WWOX: variants seen among roughly 807,000 people sequenced by gnomAD.
The protein encoded by WWOX is WW domain-containing oxidoreductase.
A neutral mutation model predicts 46.2 loss-of-function variants in WWOX; 69 were observed. That is an observed-to-expected ratio of 1.49 (90% confidence interval 1.23 to 1.82). WWOX has a LOEUF of 1.82. Among genes scored for constraint, WWOX ranks in the 40% most tolerant of loss-of-function variants. WWOX has a pLI of 0.00. For synonymous variants in WWOX, 359 were observed against 202.6 expected, an observed-to-expected ratio of 1.77 and a Z score of -6.56; for missense variants, 919 against 542.6, an observed-to-expected ratio of 1.69 and a Z score of -6.89.
chr16:79,085,234 ATTAG>A (rs1220099130), intron 8 of WWOX, among the ~76,000 whole-genome samples: 2 of 152,164 alleles, frequency 1.3e-5, no homozygotes, highest in Admixed American at 6.5e-5. Context: ...TGGGAGCTAT[ATTAG>A]TTGTTTTCTC....
At chr16:78,184,881 C>T (rs2035647131) in intron 5 of WWOX, among the ~76,000 whole-genome samples, 1 of 152,166 alleles carries the variant, frequency 6.6e-6, no homozygotes, top group South Asian at 2.1e-4. Context: ...TAACAACCAA[C>T]CTCAAAATCT....
intron 8 of WWOX, among the ~76,000 whole-genome samples, chr16:79,108,831 G>T (rs979691324): frequency 6.6e-6 from 1 of 151,966 alleles, no homozygotes; most frequent in African/African-American, 2.4e-5. Flanking sequence ...AGTCCTGGAG[G>T]TCGAGACTGC....
intron 8 of WWOX, among the ~76,000 whole-genome samples, chr16:78,716,830 C>T (rs994265340): frequency 6.6e-5 from 10 of 152,196 alleles, no homozygotes; most frequent in African/African-American, 2.4e-4. Context: ...GCTTACCCTC[C>T]CTACGCAACC....
At chr16:79,008,815 C>A (rs2047242412) in intron 8 of WWOX, among the ~76,000 whole-genome samples, 1 of 152,196 alleles carries the variant, frequency 6.6e-6, no homozygotes, top group Non-Finnish European at 1.5e-5. Context: ...CACAAACGTG[C>A]ACCTGCAGCC....
intron 4 of WWOX, among the ~76,000 whole-genome samples, chr16:78,158,737 A>G (rs973941595): frequency 1.6e-4 from 25 of 152,224 alleles, no homozygotes; most frequent in African/African-American, 5.5e-4. Flanking sequence ...TTATTGAGGT[A>G]TGATTGATGT....
intron 6 of WWOX, among the ~76,000 whole-genome samples, chr16:78,392,950 C>G (rs898073538): frequency 6.6e-6 from 1 of 152,146 alleles, no homozygotes; most frequent in Non-Finnish European, 1.5e-5. Context: ...CCAGATAGTT[C>G]TCCTCAGAGT....
At chr16:78,747,307 T>G (rs1797549355) in intron 8 of WWOX, among the ~76,000 whole-genome samples, 1 of 151,472 alleles carries the variant, frequency 6.6e-6, no homozygotes, top group Admixed American at 6.6e-5. Flanking sequence ...TTCTCTAGCC[T>G]CAGCCTCCCA....
chr16:78,422,922 G>A (rs9928734), intron 6 of WWOX, among the ~76,000 whole-genome samples: 5,035 of 129,858 alleles, frequency 0.039, 492 homozygotes, highest in African/African-American at 0.16. Flanking sequence ...GTGTCTCTCT[G>A]TTGCCCAGGC....
chr16:78,899,620 A>G (rs889263304), intron 8 of WWOX: 1 of 152,216 alleles, frequency 6.6e-6, no homozygotes, highest in Non-Finnish European at 1.5e-5. Context: ...GCCATTGTCA[A>G]TTTTAAATAA....
chr16:78,490,689 C>T (rs958583607), intron 8 of WWOX, among the ~76,000 whole-genome samples: 2 of 152,130 alleles, frequency 1.3e-5, no homozygotes, highest in Non-Finnish European at 2.9e-5. Flanking sequence ...ACCATTTGGC[C>T]CTCAGTTCTC....
intron 8 of WWOX, among the ~76,000 whole-genome samples, chr16:78,961,472 G>A (rs1382432622): frequency 6.6e-6 from 1 of 151,948 alleles, no homozygotes; most frequent in Non-Finnish European, 1.5e-5. Flanking sequence ...TGGATGGATG[G>A]ATGGATGGAT....
intron 8 of WWOX, among the ~76,000 whole-genome samples, chr16:78,694,471 G>A (rs1326427834): frequency 1.3e-5 from 2 of 152,194 alleles, no homozygotes; most frequent in Non-Finnish European, 2.9e-5. Context: ...CACCACGTCA[G>A]TCTTGCTTTC....
At chr16:78,696,027 C>G (rs142202946) in intron 8 of WWOX, among the ~76,000 whole-genome samples, 5 of 152,196 alleles carry the variant, frequency 3.3e-5, no homozygotes, top group African/African-American at 1.2e-4. Context: ...GAAGTGGGAG[C>G]CTGTAGGCTG....
chr16:79,147,957 A>G (rs1288419899), intron 8 of WWOX, among the ~76,000 whole-genome samples: 1 of 151,932 alleles, frequency 6.6e-6, no homozygotes, highest in Non-Finnish European at 1.5e-5. Flanking sequence ...AAAATTCTTT[A>G]TATATTCTAG....
chr16:78,315,874 G>T (rs995248557), intron 5 of WWOX, among the ~76,000 whole-genome samples: 2 of 152,240 alleles, frequency 1.3e-5, no homozygotes, highest in South Asian at 4.2e-4. Flanking sequence ...CCCAGCCACA[G>T]TAGATGTATC....
chr16:78,544,304 A>C (rs954864889), intron 8 of WWOX, among the ~76,000 whole-genome samples: 2 of 152,106 alleles, frequency 1.3e-5, no homozygotes, highest in African/African-American at 4.8e-5. Context: ...ATAAAATCCA[A>C]CTCCTTAATA....
intron 8 of WWOX, among the ~76,000 whole-genome samples, chr16:78,729,820 C>A (rs1181571370): frequency 1.3e-5 from 2 of 152,154 alleles, no homozygotes; most frequent in Non-Finnish European, 2.9e-5. Context: ...AGTTTTGAGG[C>A]CTGAACCTGC....
chr16:79,152,832 C>G (rs942790207), intron 8 of WWOX, among the ~76,000 whole-genome samples: 1 of 152,076 alleles, frequency 6.6e-6, no homozygotes, highest in African/African-American at 2.4e-5. Context: ...GGGTGGAGGC[C>G]GAGACAGCTT....
rs572256423 is a variant in WWOX at position 78,833,546 on chromosome 16, C to T, written c.1057-378062C>T. 2.6e-5 allele frequency among the ~76,000 whole-genome samples: 4 copies of T among 152,298 alleles called. No individual in the cohort carries two copies. In the South Asian group the frequency reaches 8.3e-4, roughly 32 times the overall value. ...ACGTGCAGTGAGGACACTCTTTTAT[C>T]ATAACCCCAGTAGGCTTATGGTGCT... is the stretch of plus-strand genomic sequence containing the variant. On this transcript the variant is annotated intron_variant, in intron 8 of 8. Transcript: ENST00000566780.
Sources: gnomAD v4.1 joint callset for allele counts (sites outside exome capture counted in the v4.1 genomes callset) on GRCh38, gnomAD v4.1.1 for gene constraint, MANE v1.5 for transcripts, NCBI Gene and HGNC (gene_info 2026-07-23, HGNC 2026-07-21) for gene names.